IL1RAPL2: variants seen among roughly 807,000 people sequenced by gnomAD.
The protein encoded by IL1RAPL2 is X-linked interleukin-1 receptor accessory protein-like 2.
In IL1RAPL2, 3 loss-of-function variants were observed where a neutral mutation model predicts 44.1. The ratio of observed to expected loss-of-function variants is 0.07; its 90% CI spans 0.03 to 0.18. The LOEUF (loss-of-function observed/expected upper bound fraction) is 0.18. IL1RAPL2 is among the 10% of genes least tolerant of loss of function. The pLI, the probability that IL1RAPL2 is intolerant of heterozygous loss-of-function variation, is 1.00. For synonymous variants in IL1RAPL2, 181 were observed against 178.8 expected, an observed-to-expected ratio of 1.01 and a Z score of -0.10; for missense variants, 391 against 496.4, an observed-to-expected ratio of 0.79 and a Z score of 2.02.
At chrX:105,229,785 A>G (rs1478868039) in intron 3 of IL1RAPL2, among the ~76,000 whole-genome samples, 1 of 110,493 alleles carries the variant, frequency 9.1e-6, no homozygotes, top group African/African-American at 3.3e-5. Context: ...CCAGAAGTAA[A>G]TTTTTTGTTT....
chrX:105,653,122 G>A (rs1241106247), intron 6 of IL1RAPL2, among the ~76,000 whole-genome samples: 1 of 111,682 alleles, frequency 9.0e-6, no homozygotes, highest in African/African-American at 3.2e-5. Context: ...ATACCAACAT[G>A]GTGCTGAACT....
chrX:105,470,946 T>C (rs1442550471), intron 5 of IL1RAPL2, among the ~76,000 whole-genome samples: 1 of 111,606 alleles, frequency 9.0e-6, no homozygotes, highest in African/African-American at 3.3e-5. Flanking sequence ...CTTCCTCTCA[T>C]TGGTGTACCT....
rs782182293 is a variant in IL1RAPL2 at position 105,230,688 on chromosome X, A to G, written c.357-3130A>G. 1.3e-4 allele frequency among the ~76,000 whole-genome samples: 14 copies of G among 110,414 alleles called. No homozygotes were observed. The South Asian group carries it at 5.4e-3, about 42-fold the overall frequency. ...GAACAGGTCAGGTATAAAAATGTAA[A>G]CCTGTTTTTACTCATAGTTTTATAA... is the stretch of plus-strand genomic sequence containing the variant. On this transcript the variant is annotated intron_variant, in intron 3 of 10. Coordinates refer to ENST00000372582, the MANE Select transcript of IL1RAPL2 (RefSeq NM_017416.2).
rs754072381 is a variant in IL1RAPL2 at position 105,550,496 on chromosome X, T to C, written c.772+66109T>C. Among the ~76,000 whole-genome samples the C allele has an allele frequency of 4.5e-5, 5 of 111,844 alleles. No homozygotes were observed. In the East Asian group the frequency reaches 1.4e-3, roughly 31 times the overall value. ...TCCCATCCAGGTCATTTCACTAGCT[T>C]TAATATTATTTACAGCCCTATCCAT... On this transcript the variant is annotated intron_variant, in intron 6 of 10. Coordinates refer to ENST00000372582, the MANE Select transcript of IL1RAPL2 (RefSeq NM_017416.2).
intron 6 of IL1RAPL2, among the ~76,000 whole-genome samples, chrX:105,695,512 A>T (rs1476029714): frequency 8.9e-6 from 1 of 111,748 alleles, no homozygotes; most frequent in Non-Finnish European, 1.9e-5. Context: ...TTATTATTAT[A>T]ATTGGAAATT....
intron 5 of IL1RAPL2, among the ~76,000 whole-genome samples, chrX:105,306,961 C>G (rs771741878): frequency 3.3e-4 from 37 of 111,520 alleles, no homozygotes; most frequent in Non-Finnish European, 5.8e-4. Flanking sequence ...CCTCAGGAAA[C>G]TTACAATAAT....
At position 104,755,632 on chromosome X, in the gene IL1RAPL2, C is replaced by T. The variant is rs192831860; in HGVS notation, c.82+96637C>T. Reference sequence around the variant, plus strand: ...AAATAACAGAATTGTAGTTAAAATTCTCAAGTGAAAGTTGTGTCAGAACTT... The same window carrying T: ...AAATAACAGAATTGTAGTTAAAATTTTCAAGTGAAAGTTGTGTCAGAACTT... On this transcript the variant is annotated intron_variant, in intron 2 of 10. Coordinates refer to ENST00000372582, the MANE Select transcript of IL1RAPL2 (RefSeq NM_017416.2). Among the ~76,000 whole-genome samples the T allele has an allele frequency of 6.1e-3, 681 of 110,861 alleles. 4 individuals carry two copies. Among genetic ancestry groups the T allele is most frequent in the Middle Eastern group, 0.019 (4 of 215 alleles).
intron 1 of IL1RAPL2, chrX:104,647,329 G>A (rs780355386): frequency 1.1e-5 from 5 of 466,399 alleles, no homozygotes; most frequent in South Asian, 7.5e-5. Context: ...GTGAGTTGGG[G>A]ATCAGCTTGG....
At chrX:104,928,241 T>C (rs747016501) in intron 2 of IL1RAPL2, among the ~76,000 whole-genome samples, 1 of 111,363 alleles carries the variant, frequency 9.0e-6, no homozygotes, top group Non-Finnish European at 1.9e-5. Flanking sequence ...TGCTATCAAA[T>C]TGTAGATCTT....
intron 5 of IL1RAPL2, among the ~76,000 whole-genome samples, chrX:105,280,231 G>GA (rs1021962399): frequency 6.3e-5 from 7 of 111,775 alleles, no homozygotes; most frequent in African/African-American, 2.3e-4. Context: ...GCCACATGCA[G>GA]AAAACTGAAA....
At chrX:104,998,724 A>T (rs1365046152) in intron 2 of IL1RAPL2, among the ~76,000 whole-genome samples, 1 of 111,525 alleles carries the variant, frequency 9.0e-6, no homozygotes, top group South Asian at 3.8e-4. Flanking sequence ...CTATGATTGC[A>T]CCACTGCACT....
At chrX:104,637,790 G>A (rs866412418) in intron 1 of IL1RAPL2, among the ~76,000 whole-genome samples, 1 of 109,177 alleles carries the variant, frequency 9.2e-6, no homozygotes, top group Non-Finnish European at 1.9e-5. Context: ...GTGTGTGTGT[G>A]TGTGTGTGTG....
intron 2 of IL1RAPL2, among the ~76,000 whole-genome samples, chrX:104,816,651 A>C (rs1305900217): frequency 1.8e-5 from 2 of 112,394 alleles, no homozygotes; most frequent in Non-Finnish European, 3.8e-5. Context: ...AAAATGTATG[A>C]TAGGCAGTTT....
At chrX:104,821,286 C>T (rs180975867) in intron 2 of IL1RAPL2, among the ~76,000 whole-genome samples, 1 of 110,154 alleles carries the variant, frequency 9.1e-6, no homozygotes, top group Non-Finnish European at 1.9e-5. Flanking sequence ...GCGATACATG[C>T]GCAGAACATG....
intron 2 of IL1RAPL2, among the ~76,000 whole-genome samples, chrX:105,040,272 A>G (rs1437235147): frequency 9.0e-6 from 1 of 111,403 alleles, no homozygotes; most frequent in Non-Finnish European, 1.9e-5. Flanking sequence ...GTGCTGCTGG[A>G]TTCGGATTGC....
chrX:104,647,194 G>A, intron 1 of IL1RAPL2: 1 of 328,627 alleles, frequency 3.0e-6, no homozygotes, highest in South Asian at 3.2e-5. Context: ...CAGGCAGGGT[G>A]GGCCCCCACT....
chrX:104,919,045 C>A (rs1924547024), intron 2 of IL1RAPL2, among the ~76,000 whole-genome samples: 1 of 110,828 alleles, frequency 9.0e-6, no homozygotes, highest in Non-Finnish European at 1.9e-5. Context: ...AGAGGACGAA[C>A]ATTAAGAATT....
intron 5 of IL1RAPL2, among the ~76,000 whole-genome samples, chrX:105,311,840 C>CT (rs2034800385): frequency 9.0e-6 from 1 of 111,188 alleles, no homozygotes; most frequent in Admixed American, 9.6e-5. Context: ...GACTAATAAA[C>CT]TTAGGTGAAA....
At chrX:104,875,409 A>T (rs745490229) in intron 2 of IL1RAPL2, among the ~76,000 whole-genome samples, 7 of 123 alleles carry the variant, frequency 0.057, no homozygotes, top group East Asian at 0.54. Flanking sequence ...GAAGAGAGAG[A>T]AGTAACTGGG....
Sources: gnomAD v4.1 joint callset for allele counts (sites outside exome capture counted in the v4.1 genomes callset) on GRCh38, gnomAD v4.1.1 for gene constraint, MANE v1.5 for transcripts, NCBI Gene and HGNC (gene_info 2026-07-23, HGNC 2026-07-21) for gene names.